GREB1: variants seen among roughly 807,000 people sequenced by gnomAD.
GREB1 encodes growth regulating estrogen receptor binding 1, also known as protein GREB1.
GREB1 carries 106 observed loss-of-function variants against 200.7 expected under a neutral mutation model. The ratio of observed to expected loss-of-function variants is 0.53; its 90% CI spans 0.45 to 0.62. GREB1 has a LOEUF of 0.62. GREB1 is among the 20% of genes least tolerant of loss of function. The probability of loss-of-function intolerance (pLI) is 0.00; values close to 1 mark genes in which losing one functional copy is unlikely to be tolerated. For synonymous variants in GREB1, 1,132 were observed against 1,092.4 expected (o/e 1.04, Z -0.72); for missense variants, 2,243 against 2,556.8 (o/e 0.88, Z 2.65).
chr2:11,484,449 T>C (rs970943198), intron 1 of GREB1, among the ~76,000 whole-genome samples: 1 of 152,062 alleles, frequency 6.6e-6, no homozygotes, highest in Admixed American at 6.5e-5. Flanking sequence ...CATTCTTTCT[T>C]GAGTAAGAAG....
chr2:11,545,035 G>A (rs923505952), intron 1 of GREB1, among the ~76,000 whole-genome samples: 1 of 151,856 alleles, frequency 6.6e-6, no homozygotes, highest in Non-Finnish European at 1.5e-5. Flanking sequence ...GGCTGGTCTC[G>A]AACTCCTGAC....
At chr2:11,578,035 GT>G (rs1424552483) in intron 5 of GREB1, among the ~76,000 whole-genome samples, 2 of 152,204 alleles carry the variant, frequency 1.3e-5, no homozygotes, top group Non-Finnish European at 2.9e-5. Context: ...TGACTTATTT[GT>G]GTAATTTTTC....
chr2:11,574,594 T>C (rs978332016), intron 4 of GREB1, among the ~76,000 whole-genome samples: 7 of 152,086 alleles, frequency 4.6e-5, no homozygotes, highest in African/African-American at 1.7e-4. Context: ...TAGGGGGCAT[T>C]GGGGCAGCCT....
Position 11,626,992 on chromosome 2 carries a change from T to C in GREB1, c.4337T>C (p.Leu1446Pro), listed in dbSNP as rs201101870. Reference protein sequence around the residue: ...DRGMSRKPEDLYVRRQTARMR... With the variant: ...DRGMSRKPEDPYVRRQTARMR... ...GGGATGTCCCGGAAGCCGGAGGACC[T>C]TTATGTGCGGCGTCAGACGGCACGG... The change falls in exon 25 of 33, where the codon CTT becomes CCT. Residue 1446 changes from leucine (L) to proline (P), a missense_variant. Around this residue, in one of 3 missense-constraint regions of GREB1, gnomAD observed 587 missense variants for 553.1 expected, o/e 1.06. Coordinates refer to ENST00000381486, the MANE Select transcript of GREB1 (RefSeq NM_014668.4). 3.3e-5 allele frequency: 54 copies of C among 1,614,124 alleles called. No homozygotes were observed. In the African/African-American group the frequency reaches 5.9e-4, roughly 18 times the overall value.
chr2:11,575,144 G>C, intron 4 of GREB1, among the ~76,000 whole-genome samples: 1 of 152,216 alleles, frequency 6.6e-6, no homozygotes, highest in East Asian at 1.9e-4. Flanking sequence ...ACACAGAGCC[G>C]GGTGGCCCTC....
In GREB1 at chr2:11,610,985, C is replaced by A; in HGVS notation, c.2964C>A (p.Ser988Arg). 1 of 1,605,952 alleles carries A rather than the reference C, an allele frequency of 6.2e-7. No individual in the cohort carries two copies. Among genetic ancestry groups the A allele is most frequent in the Non-Finnish European group, 8.5e-7 (1 of 1,176,420 alleles). ...TTGAGATCATCCTGGGCAGTCCCAG[C>A]TCAGGCGTCACCGTGGGGAAGCACT... ...EHFEIILGSP[S>R]SGVTVGKHFV... Residue 988 changes from serine (S) to arginine (R), a missense_variant, in exon 18 of 33, where the codon AGC becomes AGA. Around this residue, in one of 3 missense-constraint regions of GREB1, gnomAD observed 1,178 missense variants for 1,387.4 expected, o/e 0.85. Transcript: ENST00000381486.
chr2:11,628,133 C>G (rs1684614120), intron 25 of GREB1, among the ~76,000 whole-genome samples: 1 of 152,180 alleles, frequency 6.6e-6, no homozygotes, highest in Non-Finnish European at 1.5e-5. Context: ...AGTGGGAACT[C>G]CAAGTGGAGC....
In GREB1 at chr2:11,610,651, G is replaced by A. The variant is rs768382965; in HGVS notation, c.2667-37G>A. On this transcript the variant is annotated intron_variant, in intron 17 of 32. Coordinates refer to ENST00000381486, the MANE Select transcript of GREB1 (RefSeq NM_014668.4). ...TTGGCAGCAGCAGGCCGGTGGGCGC[G>A]GCCGTCACAGACATGGTCTCTCTGT... 1.1e-5 allele frequency: 16 copies of A among 1,499,274 alleles called. No homozygotes were observed. The East Asian group carries it at 1.8e-4, about 17-fold the overall frequency. The allele number at this position is 1,499,274 out of a possible 1,614,324, so 92.9% of individuals were successfully genotyped here. A position where few individuals can be genotyped will look rare whatever the true frequency, so the allele number is the denominator to read the frequency against.
intron 4 of GREB1, among the ~76,000 whole-genome samples, chr2:11,570,575 A>G (rs59563963): frequency 0.039 from 5,973 of 151,488 alleles, 221 homozygotes; most frequent in East Asian, 0.18. Flanking sequence ...CAGACAAGGG[A>G]GTTCTAAAGC....
At position 11,498,663 on chromosome 2, in the gene GREB1, T is replaced by C. The variant is rs1672951233; in HGVS notation, c.-159+16282T>C. Among the ~76,000 whole-genome samples, 5 of 152,316 alleles carry C rather than the reference T, an allele frequency of 3.3e-5. No individual in the cohort carries two copies. In the South Asian group the frequency reaches 1.0e-3, roughly 32 times the overall value. On this transcript the variant is annotated intron_variant, in intron 1 of 2. Coordinates refer to the GREB1 transcript ENST00000628795. ...CTGAGTTCCTATGCAGTTTTGCTGCTGGGCAGCTGGGCAGCCTGCCTGCCT... is the reference window on the plus strand; with the variant it reads ...CTGAGTTCCTATGCAGTTTTGCTGCCGGGCAGCTGGGCAGCCTGCCTGCCT...
rs138471127 is a variant in GREB1 at position 11,494,540 on chromosome 2, C to T, written c.-159+12159C>T. 6.7e-3 allele frequency among the ~76,000 whole-genome samples: 1,016 copies of T among 152,278 alleles called. 5 individuals carry two copies. The highest frequency in any genetic ancestry group is 0.023 in the African/African-American group (955 of 41,554). On this transcript the variant is annotated intron_variant, in intron 1 of 2. Coordinates refer to the GREB1 transcript ENST00000628795. ...GGAGGGGAACTTTGGTCTAGAAATC[C>T]GGAGTCCATTCCTGATGCAGCTGCT... is the stretch of plus-strand genomic sequence containing the variant.
chr2:11,521,273 C>G (rs908997500), intron 1 of GREB1, among the ~76,000 whole-genome samples: 2 of 152,084 alleles, frequency 1.3e-5, no homozygotes, highest in African/African-American at 4.8e-5. Context: ...CCATACCAAG[C>G]TAATTTTTGT....
At chr2:11,587,437 G>A (rs1485951838) in intron 9 of GREB1, 5 of 1,613,672 alleles carry the variant, frequency 3.1e-6, no homozygotes, top group East Asian at 2.2e-5. Flanking sequence ...AACCTGCATC[G>A]CCCCGGAGCT....
intron 2 of GREB1, 62 bp from the exon 3 acceptor site, chr2:11,562,400 CT>C: frequency 2.5e-6 from 4 of 1,597,370 alleles, no homozygotes; most frequent in Non-Finnish European, 3.4e-6. Flanking sequence ...AGGAAAGGCC[CT>C]GGGGGAAGCT....
At chr2:11,634,089 T>C in intron 28 of GREB1, 42 bp from the exon 29 acceptor site, 1 of 1,573,306 alleles carries the variant, frequency 6.4e-7, no homozygotes, top group Non-Finnish European at 8.7e-7. Flanking sequence ...TTGCTGCTGC[T>C]CGTGTGTCAG....
At chr2:11,538,706 C>A (rs1207220449) in intron 1 of GREB1, among the ~76,000 whole-genome samples, 2 of 114,702 alleles carry the variant, frequency 1.7e-5, no homozygotes, top group South Asian at 4.2e-4. Flanking sequence ...CCCTCCCTCC[C>A]TCCCTTCCTC....
At chr2:11,588,478 C>A in intron 9 of GREB1, 1 of 484,482 alleles carries the variant, frequency 2.1e-6, no homozygotes, top group Non-Finnish European at 3.8e-6. Context: ...CCTCCAGCCC[C>A]CTCACTTGTA....
At chr2:11,574,066 C>T (rs535424691) in intron 4 of GREB1, among the ~76,000 whole-genome samples, 10 of 152,332 alleles carry the variant, frequency 6.6e-5, no homozygotes, top group Admixed American at 2.0e-4. Flanking sequence ...TTATCTCAAG[C>T]GTCCCTAAGT....
Position 11,612,353 on chromosome 2 carries a change from G to A in GREB1, c.3007-142G>A. The stretch of plus-strand genomic sequence containing the variant: ...GGCCAAGTGGATGGTGTGCTTATTT[G>A]CAGTCTAAAGAAATTTCCTTTTGGT... On this transcript the variant is annotated intron_variant, in intron 18 of 32. Transcript: ENST00000381486. 7 of 1,405,014 alleles carry A rather than the reference G, an allele frequency of 5.0e-6. No homozygotes were observed. In the South Asian group the frequency reaches 6.0e-5, roughly 12 times the overall value. The allele number at this position is 1,405,014 out of a possible 1,614,324, so 87.0% of individuals were successfully genotyped here.
Sources: gnomAD v4.1 joint callset for allele counts (sites outside exome capture counted in the v4.1 genomes callset) on GRCh38, gnomAD v4.1.1 for gene constraint, gnomAD v4.1.1 regional missense constraint, MANE v1.5 for transcripts, NCBI Gene and HGNC (gene_info 2026-07-23, HGNC 2026-07-21) for gene names.